Variants in SLC9C1 observed in about 807,000 individuals in gnomAD.
The protein encoded by SLC9C1 is solute carrier family 9 member C1, also known as sodium/hydrogen exchanger 10.
In SLC9C1, 97 loss-of-function variants were observed where a neutral mutation model predicts 140.9. That is an observed-to-expected ratio of 0.69 (90% CI 0.58 to 0.82). SLC9C1 has a LOEUF of 0.82. Ranked by LOEUF, SLC9C1 falls within the 40% of genes least tolerant of loss-of-function variation. The probability of loss-of-function intolerance (pLI) is 0.00; values close to 1 mark genes in which losing one functional copy is unlikely to be tolerated. For missense variants in SLC9C1, 1,340 were observed against 1,389.3 expected (o/e 0.96, Z 0.56); for synonymous variants, 440 against 442.6 (o/e 0.99, Z 0.07).
At chr3:112,280,235 G>A (rs1421753142) in intron 3 of SLC9C1, among the ~76,000 whole-genome samples, 1 of 152,198 alleles carries the variant, frequency 6.6e-6, no homozygotes, top group African/African-American at 2.4e-5. Flanking sequence ...GCACACTTAA[G>A]AGACTAGTTT....
At chr3:112,224,912 T>C (rs2078643079) in intron 13 of SLC9C1, among the ~76,000 whole-genome samples, 1 of 151,946 alleles carries the variant, frequency 6.6e-6, no homozygotes, top group Non-Finnish European at 1.5e-5. Flanking sequence ...CAAACAAATG[T>C]TATCATTATG....
chr3:112,204,104 T>A, intron 17 of SLC9C1, 114 bp downstream of exon 17: 1 of 1,152,176 alleles, frequency 8.7e-7, no homozygotes, highest in South Asian at 3.1e-5. Context: ...ATTTAAAATA[T>A]AAACATTAAC....
intron 20 of SLC9C1, among the ~76,000 whole-genome samples, chr3:112,183,078 T>C (rs558466299): frequency 5.6e-4 from 86 of 152,368 alleles, no homozygotes; most frequent in African/African-American, 2.0e-3. Flanking sequence ...AGTGTACAGA[T>C]GTACATATTT....
chr3:112,213,855 C>G (rs4303842), intron 15 of SLC9C1, among the ~76,000 whole-genome samples: 114,840 of 152,064 alleles, frequency 0.76, 43,777 homozygotes, highest in East Asian at 0.99. Context: ...GCACCAAGCA[C>G]ACCTAATAGA....
At chr3:112,204,546 C>A in intron 16 of SLC9C1, 143 bp from the exon 17 acceptor site, 2 of 741,288 alleles carry the variant, frequency 2.7e-6, no homozygotes, top group Non-Finnish European at 4.1e-6. Flanking sequence ...CAAAATCAAA[C>A]AAACAAGTTC....
chr3:112,260,684 C>A (rs4552323), intron 10 of SLC9C1, among the ~76,000 whole-genome samples: 44,957 of 151,816 alleles, frequency 0.3, 7,204 homozygotes, highest in East Asian at 0.43. Flanking sequence ...GGGCATAATT[C>A]TTATTTCTAA....
At chr3:112,206,004 G>A (rs111465879) in intron 16 of SLC9C1, among the ~76,000 whole-genome samples, 12,990 of 90,306 alleles carry the variant, frequency 0.14, 996 homozygotes, top group East Asian at 0.28. Context: ...TGACAAATGG[G>A]ATCTAATTAA....
chr3:112,291,618 C>T (rs1576545982), intron 1 of SLC9C1, among the ~76,000 whole-genome samples: 1 of 152,122 alleles, frequency 6.6e-6, no homozygotes, highest in African/African-American at 2.4e-5. Flanking sequence ...CAAAAAATAA[C>T]AGATGCTGAC....
intron 26 of SLC9C1, among the ~76,000 whole-genome samples, chr3:112,158,015 C>T (rs1234673131): frequency 6.6e-6 from 1 of 151,670 alleles, no homozygotes; most frequent in South Asian, 2.1e-4. Flanking sequence ...TATTTTTTTC[C>T]CTCGCCTAAT....
chr3:112,286,054 G>A (rs2080498375), intron 2 of SLC9C1, among the ~76,000 whole-genome samples: 1 of 152,066 alleles, frequency 6.6e-6, no homozygotes, highest in Non-Finnish European at 1.5e-5. Flanking sequence ...GTGAGCCACT[G>A]GACCTGGCCT....
intron 20 of SLC9C1, among the ~76,000 whole-genome samples, chr3:112,195,301 TATG>T (rs952672067): frequency 6.6e-6 from 1 of 152,180 alleles, no homozygotes; most frequent in Non-Finnish European, 1.5e-5. Flanking sequence ...ATTTTTTGTA[TATG>T]ATGTTAGTTA....
At chr3:112,170,363 T>C (rs998499168) in intron 23 of SLC9C1, among the ~76,000 whole-genome samples, 6 of 152,190 alleles carry the variant, frequency 3.9e-5, no homozygotes, top group African/African-American at 1.4e-4. Context: ...TCATGTGCAT[T>C]TTTCTGATGA....
At chr3:112,252,084 T>C (rs2079475804) in intron 10 of SLC9C1, among the ~76,000 whole-genome samples, 2 of 152,084 alleles carry the variant, frequency 1.3e-5, no homozygotes, top group South Asian at 4.1e-4. Flanking sequence ...GCCAGTGTTT[T>C]CTGGGTTGCA....
chr3:112,279,499 A>C (rs2080303507), intron 3 of SLC9C1, among the ~76,000 whole-genome samples: 1 of 152,192 alleles, frequency 6.6e-6, no homozygotes, highest in African/African-American at 2.4e-5. Flanking sequence ...TCAGGCAATC[A>C]AGACGAAGAA....
At chr3:112,189,730 C>G (rs1257505206) in intron 20 of SLC9C1, among the ~76,000 whole-genome samples, 6 of 152,056 alleles carry the variant, frequency 3.9e-5, no homozygotes, top group African/African-American at 1.4e-4. Flanking sequence ...TTTTTTGGTT[C>G]CATATGGACT....
chr3:112,197,393 G>A (rs1425540162), intron 20 of SLC9C1, among the ~76,000 whole-genome samples: 1 of 152,062 alleles, frequency 6.6e-6, no homozygotes, highest in East Asian at 1.9e-4. Flanking sequence ...TAGAAACAGC[G>A]ATCAATCAGT....
Position 112,182,532 on chromosome 3 carries a change from T to C in SLC9C1, c.2524-274A>G, listed in dbSNP as rs2077457856. Reference sequence around the variant, plus strand: ...GGGGTTTGGTTTACAGATTATTTTGTTACCCAGGTAATAAGTATGGTACCT... The same window carrying C: ...GGGGTTTGGTTTACAGATTATTTTGCTACCCAGGTAATAAGTATGGTACCT... On this transcript the variant is annotated intron_variant, in intron 20 of 28. Coordinates refer to ENST00000305815, the MANE Select transcript of SLC9C1 (RefSeq NM_183061.3). 5.3e-5 allele frequency among the ~76,000 whole-genome samples: 8 copies of C among 152,180 alleles called. 1 individual carries two copies. Among genetic ancestry groups the C allele is most frequent in the Admixed American group, 5.2e-4 (8 of 15,280 alleles).
At chr3:112,237,380 A>G (rs2079018293) in intron 12 of SLC9C1, among the ~76,000 whole-genome samples, 1 of 152,182 alleles carries the variant, frequency 6.6e-6, no homozygotes, top group Non-Finnish European at 1.5e-5. Context: ...TCCTGAATAC[A>G]GCACACTGAT....
chr3:112,275,051 T>C, intron 5 of SLC9C1, 26 bp from the exon 6 acceptor site: 1 of 1,533,348 alleles, frequency 6.5e-7, no homozygotes, highest in Non-Finnish European at 8.7e-7. Flanking sequence ...GGGAAAGATG[T>C]TTTTTAAAGT....
Sources: gnomAD v4.1 joint callset for allele counts (sites outside exome capture counted in the v4.1 genomes callset) on GRCh38, gnomAD v4.1.1 for gene constraint, MANE v1.5 for transcripts, NCBI Gene and HGNC (gene_info 2026-07-23, HGNC 2026-07-21) for gene names.